Variants in ZFHX3 observed in about 807,000 individuals in gnomAD.
ZFHX3 encodes the protein zinc finger homeobox protein 3.
Under a neutral mutation model 279.1 loss-of-function variants are expected in ZFHX3, and 42 were observed. The ratio of observed to expected loss-of-function variants is 0.15; its 90% CI spans 0.12 to 0.19. ZFHX3 has a LOEUF of 0.19. Ranked by LOEUF, ZFHX3 falls within the 10% of genes least tolerant of loss-of-function variation. The probability of loss-of-function intolerance (pLI) is 1.00; values close to 1 mark genes in which losing one functional copy is unlikely to be tolerated. For missense variants in ZFHX3, 4,981 were observed against 4,754.0 expected, an observed-to-expected ratio of 1.05 and a Z score of -1.40; for synonymous variants, 2,293 against 1,957.8, an observed-to-expected ratio of 1.17 and a Z score of -4.52.
At position 73,299,724 on chromosome 16, in the gene ZFHX3, C is replaced by A. The variant is rs534768967; in HGVS notation, c.-1194+18516G>T. On this transcript the variant is annotated intron_variant, in intron 4 of 17. Coordinates refer to the ZFHX3 transcript ENST00000641206. ...TGGCCCTGTTTATTTACCCAAAATG[C>A]CCCATATTTCATCGTGCAAATCATA... is the stretch of plus-strand genomic sequence containing the variant. Among the ~76,000 whole-genome samples the A allele has an allele frequency of 4.6e-5, 7 of 152,294 alleles. No homozygotes were observed. The South Asian group carries it at 1.5e-3, about 32-fold the overall frequency.
intron 1 of ZFHX3, among the ~76,000 whole-genome samples, chr16:73,864,241 T>C (rs1445774617): frequency 1.3e-5 from 2 of 152,148 alleles, no homozygotes; most frequent in Non-Finnish European, 2.9e-5. Flanking sequence ...TTCTATAGCC[T>C]CCTCCAGAAT....
intron 1 of ZFHX3, among the ~76,000 whole-genome samples, chr16:73,730,732 G>A (rs2053563295): frequency 1.3e-5 from 2 of 152,286 alleles, no homozygotes; most frequent in Non-Finnish European, 2.9e-5. Context: ...TGATATTTCC[G>A]GCCATTTTTT....
intron 1 of ZFHX3, among the ~76,000 whole-genome samples, chr16:73,008,899 A>T (rs12928624): frequency 0.072 from 9,771 of 136,314 alleles, 352 homozygotes; most frequent in Middle Eastern, 0.12. Flanking sequence ...TACAAGAAAA[A>T]TAAAGTATAT....
At chr16:73,072,937 C>T (rs1459014340) in intron 8 of ZFHX3, among the ~76,000 whole-genome samples, 3 of 151,924 alleles carry the variant, frequency 2.0e-5, no homozygotes, top group African/African-American at 7.3e-5. Flanking sequence ...TCACTCTGTG[C>T]CCAGACTGGA....
chr16:72,907,309 G>GATTC (rs1007884635), intron 3 of ZFHX3, among the ~76,000 whole-genome samples: 3 of 152,076 alleles, frequency 2.0e-5, no homozygotes, highest in African/African-American at 4.8e-5. Context: ...TTCCGGCTTT[G>GATTC]ATTCATTCAT....
At chr16:72,985,300 T>C (rs1962797942) in intron 1 of ZFHX3, among the ~76,000 whole-genome samples, 1 of 152,218 alleles carries the variant, frequency 6.6e-6, no homozygotes, top group African/African-American at 2.4e-5. Flanking sequence ...CATTCTGTCA[T>C]CTTATGATCA....
At chr16:73,085,489 G>A (rs113114050) in intron 8 of ZFHX3, among the ~76,000 whole-genome samples, 3 of 152,116 alleles carry the variant, frequency 2.0e-5, no homozygotes, top group South Asian at 2.1e-4. Flanking sequence ...CTAGTGATCC[G>A]CCTGCCTCGG....
intron 2 of ZFHX3, among the ~76,000 whole-genome samples, chr16:73,650,595 T>G (rs1287562543): frequency 6.6e-6 from 1 of 152,214 alleles, no homozygotes; most frequent in East Asian, 1.9e-4. Flanking sequence ...ATCAGCTATT[T>G]TCCTCCAAAA....
At chr16:72,841,329 AG>A (rs1386988825) in intron 4 of ZFHX3, among the ~76,000 whole-genome samples, 1 of 152,252 alleles carries the variant, frequency 6.6e-6, no homozygotes, top group Non-Finnish European at 1.5e-5. Flanking sequence ...AAGAAAGTGA[AG>A]CAGGAAGCTG....
intron 6 of ZFHX3, chr16:73,137,200 T>C (rs1479235883): frequency 6.6e-6 from 1 of 152,168 alleles, no homozygotes; most frequent in Admixed American, 6.6e-5. Flanking sequence ...GCCAGTGCTA[T>C]CTGGATAAAG....
chr16:73,437,480 G>A (rs952434828), intron 3 of ZFHX3, among the ~76,000 whole-genome samples: 2 of 151,934 alleles, frequency 1.3e-5, no homozygotes, highest in Non-Finnish European at 2.9e-5. Context: ...ATGCCTCAAA[G>A]CATTATTTTT....
intron 3 of ZFHX3, among the ~76,000 whole-genome samples, chr16:73,425,665 C>T (rs1156864659): frequency 6.6e-6 from 1 of 151,978 alleles, no homozygotes; most frequent in Non-Finnish European, 1.5e-5. Context: ...GGACCCCTCT[C>T]GTGTGTGATG....
intron 4 of ZFHX3, among the ~76,000 whole-genome samples, chr16:72,847,694 A>G (rs2037513662): frequency 1.3e-5 from 2 of 152,006 alleles, no homozygotes; most frequent in South Asian, 4.1e-4. Context: ...TGGGGACCCA[A>G]CAGGGACACC....
intron 2 of ZFHX3, among the ~76,000 whole-genome samples, chr16:73,475,687 T>C (rs1385424566): frequency 1.3e-5 from 2 of 152,162 alleles, no homozygotes; most frequent in African/African-American, 2.4e-5. Flanking sequence ...ACATTTCTAA[T>C]TGAGAAAATA....
chr16:72,959,860 C>G lies in ZFHX3; in HGVS notation c.286G>C (p.Glu96Gln). 3.1e-6 allele frequency: 5 copies of G among 1,601,368 alleles called. No individual in the cohort carries two copies. Among genetic ancestry groups the G allele is most frequent in the Non-Finnish European group, 4.3e-6 (5 of 1,172,560 alleles). Residue 96 changes from glutamate to glutamine, a missense_variant, in exon 2 of 10, where the codon GAG becomes CAG. Physicochemically the swap from Glu to Gln is conservative, Grantham distance 29 (BLOSUM62 2). This residue lies in a region of ZFHX3 where 1,068 missense variants were observed against 935.2 expected (regional missense o/e 1.14). Transcript: ENST00000268489. Reference sequence around the variant, plus strand: ...GGGCGCGCGCTGGGGCAGTGGTGCTCCATGTAGGTCTGGAGGCTGGCAAAG... The same window carrying G: ...GGGCGCGCGCTGGGGCAGTGGTGCTGCATGTAGGTCTGGAGGCTGGCAAAG... ...ASFASLQTYM[E>Q]HHCPSARPPP...
At chr16:72,858,705 A>C (rs2143880926) in intron 4 of ZFHX3, among the ~76,000 whole-genome samples, 1 of 152,342 alleles carries the variant, frequency 6.6e-6, no homozygotes, top group South Asian at 2.1e-4. Context: ...TGCTGCACTA[A>C]ATATGGCAAG....
chr16:73,857,697 C>T (rs1395309839), intron 1 of ZFHX3, among the ~76,000 whole-genome samples: 1 of 152,144 alleles, frequency 6.6e-6, no homozygotes, highest in East Asian at 1.9e-4. Context: ...TTTTGTTCTG[C>T]CCTTTTTCAA....
At chr16:72,937,677 C>T (rs962201021) in intron 3 of ZFHX3, among the ~76,000 whole-genome samples, 3 of 152,232 alleles carry the variant, frequency 2.0e-5, no homozygotes, top group Admixed American at 6.5e-5. Context: ...GCTGCTCCCA[C>T]GCCACCTGCA....
intron 1 of ZFHX3, among the ~76,000 whole-genome samples, chr16:73,776,491 A>G (rs559790921): frequency 2.0e-5 from 3 of 152,242 alleles, no homozygotes; most frequent in Non-Finnish European, 4.4e-5. Flanking sequence ...CCTTCTGGCT[A>G]TCGACGACAG....
Sources: allele counts gnomAD v4.1 joint callset (sites outside exome capture counted in the v4.1 genomes callset), GRCh38; gene constraint gnomAD v4.1.1; regional missense constraint gnomAD v4.1.1; transcripts MANE v1.5; gene names NCBI Gene and HGNC (gene_info 2026-07-23, HGNC 2026-07-21).